The following MAGI2 variants were observed in gnomAD, a reference collection of about 807,000 sequenced individuals.
The protein encoded by MAGI2 is membrane associated guanylate kinase, WW and PDZ domain containing 2, also known as membrane-associated guanylate kinase, WW and PDZ domain-containing protein 2.
MAGI2 carries 35 observed loss-of-function variants against 133.3 expected under a neutral mutation model. The observed-to-expected ratio is 0.26, with a 90% CI of 0.20 to 0.35. The LOEUF (loss-of-function observed/expected upper bound fraction) is 0.35. Ranked by LOEUF, MAGI2 falls within the 10% of genes least tolerant of loss-of-function variation. MAGI2 has a pLI of 1.00. For missense variants in MAGI2, 1,636 were observed against 1,863.4 expected, an observed-to-expected ratio of 0.88 and a Z score of 2.25; for synonymous variants, 729 against 710.6, an observed-to-expected ratio of 1.03 and a Z score of -0.41.
chr7:79,118,865 G>T (rs1819637028), intron 1 of MAGI2, among the ~76,000 whole-genome samples: 1 of 152,070 alleles, frequency 6.6e-6, no homozygotes, highest in Admixed American at 6.6e-5. Flanking sequence ...AAAGAAACTT[G>T]AGGACTGGTG....
At chr7:78,733,042 G>A (rs1045619082) in intron 2 of MAGI2, among the ~76,000 whole-genome samples, 3 of 152,092 alleles carry the variant, frequency 2.0e-5, no homozygotes, top group Admixed American at 6.6e-5. Context: ...AGGAAATGGC[G>A]CAACAGGATT....
chr7:79,147,141 T>C (rs1011830427), intron 1 of MAGI2, among the ~76,000 whole-genome samples: 1 of 152,222 alleles, frequency 6.6e-6, no homozygotes, highest in Non-Finnish European at 1.5e-5. Flanking sequence ...GTCAACTGCA[T>C]AGGATTTTGA....
chr7:78,161,802 G>C (rs547044066), intron 15 of MAGI2, among the ~76,000 whole-genome samples: 1 of 151,336 alleles, frequency 6.6e-6, no homozygotes, highest in Non-Finnish European at 1.5e-5. Flanking sequence ...GCTGTTGCTC[G>C]TTATTATTTG....
chr7:78,046,440 A>G (rs1811442494), intron 21 of MAGI2, among the ~76,000 whole-genome samples: 1 of 151,954 alleles, frequency 6.6e-6, no homozygotes, highest in African/African-American at 2.4e-5. Context: ...TGTGTCCAGT[A>G]TCACACCCAG....
intron 1 of MAGI2, among the ~76,000 whole-genome samples, chr7:79,158,939 A>G (rs1824080612): frequency 6.6e-6 from 1 of 152,084 alleles, no homozygotes; most frequent in African/African-American, 2.4e-5. Flanking sequence ...ATCTTTGTCT[A>G]ATTCAAAGTT....
At chr7:78,440,863 G>A (rs1034558656) in intron 6 of MAGI2, among the ~76,000 whole-genome samples, 16 of 152,150 alleles carry the variant, frequency 1.1e-4, no homozygotes, top group Admixed American at 2.6e-4. Context: ...TGAGGTGGGA[G>A]AATTGCTTGA....
At chr7:78,059,760 C>A (rs903300995) in intron 21 of MAGI2, among the ~76,000 whole-genome samples, 4 of 114,252 alleles carry the variant, frequency 3.5e-5, no homozygotes, top group African/African-American at 1.3e-4. Context: ...GGAACAATGC[C>A]ATATATATAT....
At chr7:78,857,073 G>A (rs1793713570) in intron 2 of MAGI2, among the ~76,000 whole-genome samples, 1 of 152,154 alleles carries the variant, frequency 6.6e-6, no homozygotes. Context: ...TGGTGTAAAG[G>A]AATGCTTGTG....
chr7:79,277,831 A>C (rs958216289), intron 1 of MAGI2, among the ~76,000 whole-genome samples: 1 of 152,172 alleles, frequency 6.6e-6, no homozygotes, highest in Non-Finnish European at 1.5e-5. Context: ...ACTTTCTGAA[A>C]AACCTGGAGT....
intron 21 of MAGI2, among the ~76,000 whole-genome samples, chr7:78,055,916 G>A (rs1383420121): frequency 5.3e-5 from 8 of 152,178 alleles, no homozygotes; most frequent in Admixed American, 2.6e-4. Context: ...GGCTGCTGGA[G>A]CTCCTGTGTG....
intron 1 of MAGI2, among the ~76,000 whole-genome samples, chr7:79,243,225 A>G (rs1832560939): frequency 6.8e-6 from 1 of 146,384 alleles, no homozygotes; most frequent in South Asian, 2.2e-4. Flanking sequence ...GTACACAGAT[A>G]CACATTACCA....
chr7:78,308,080 C>A (rs969941171), intron 9 of MAGI2, among the ~76,000 whole-genome samples: 3 of 152,288 alleles, frequency 2.0e-5, no homozygotes, highest in Middle Eastern at 3.4e-3. Flanking sequence ...AAATAATGGG[C>A]AATGAATTTC....
At chr7:79,302,020 A>G (rs12706107) in intron 1 of MAGI2, among the ~76,000 whole-genome samples, 141,806 of 152,242 alleles carry the variant, frequency 0.93, 66,400 homozygotes, top group Non-Finnish European at 0.98. Flanking sequence ...CTCTCTAGAA[A>G]GAGATGCTGC....
intron 6 of MAGI2, among the ~76,000 whole-genome samples, chr7:78,464,953 A>C (rs956295896): frequency 6.6e-6 from 1 of 152,138 alleles, no homozygotes; most frequent in Non-Finnish European, 1.5e-5. Flanking sequence ...AAATTCAATA[A>C]TACTATCATA....
chr7:79,375,899 T>C (rs1368778668), intron 1 of MAGI2, among the ~76,000 whole-genome samples: 4 of 151,950 alleles, frequency 2.6e-5, no homozygotes, highest in African/African-American at 9.7e-5. Flanking sequence ...TAAGCAATTA[T>C]TGGTCTTATC....
chr7:79,020,915 T>C (rs554287222), intron 1 of MAGI2, among the ~76,000 whole-genome samples: 1 of 152,350 alleles, frequency 6.6e-6, no homozygotes, highest in South Asian at 2.1e-4. Flanking sequence ...AATGGTTTCA[T>C]TGGCTGGTTC....
chr7:78,412,922 C>T lies in MAGI2; in HGVS notation c.1046-43709G>A, dbSNP rs528180516. Among the ~76,000 whole-genome samples, 31 of 152,042 alleles carry T rather than the reference C, an allele frequency of 2.0e-4. No homozygotes were observed. The South Asian group carries it at 4.4e-3, about 21-fold the overall frequency. ...TAAAATATAAACATATGAATGCTTC[C>T]GAAAGGTGGCTAACCACCATCTCTA... On this transcript the variant is annotated intron_variant, in intron 6 of 21. Transcript: ENST00000354212.
intron 1 of MAGI2, among the ~76,000 whole-genome samples, chr7:79,221,979 A>T (rs1830475593): frequency 6.6e-6 from 1 of 152,110 alleles, no homozygotes; most frequent in Non-Finnish European, 1.5e-5. Context: ...GAATAAGGAC[A>T]ACTATTATAT....
At chr7:79,379,463 T>C (rs1229622163) in intron 1 of MAGI2, among the ~76,000 whole-genome samples, 3 of 151,992 alleles carry the variant, frequency 2.0e-5, no homozygotes, top group African/African-American at 4.8e-5. Context: ...TTATAATCCT[T>C]TGGGTATATA....
Sources: allele counts gnomAD v4.1 joint callset (sites outside exome capture counted in the v4.1 genomes callset), GRCh38; gene constraint gnomAD v4.1.1; transcripts MANE v1.5; gene names NCBI Gene and HGNC (gene_info 2026-07-23, HGNC 2026-07-21).